ATG4A: variants seen among roughly 807,000 people sequenced by gnomAD.
The protein encoded by ATG4A is autophagy related 4A cysteine peptidase.
In ATG4A, 22 loss-of-function variants were observed where a neutral mutation model predicts 38.4. The observed-to-expected ratio is 0.57, with a 90% CI of 0.41 to 0.82. The LOEUF is 0.82. Ranked by LOEUF, ATG4A falls within the 40% of genes least tolerant of loss-of-function variation. The pLI is 0.00. For synonymous variants in ATG4A, 86 were observed against 100.7 expected (o/e 0.85, Z 0.88); for missense variants, 220 against 290.0 (o/e 0.76, Z 1.75).
chrX:108,110,323 T>C, intron 1 of ATG4A, among the ~76,000 whole-genome samples: 1 of 108,011 alleles, frequency 9.3e-6, no homozygotes, highest in South Asian at 4.2e-4. Context: ...TGAACCGAGA[T>C]TGTGCCACCG....
chrX:108,091,639 T>C (rs966183516), upstream of ATG4A: 56 of 937,381 alleles, frequency 6.0e-5, no homozygotes, highest in South Asian at 1.0e-3. Context: ...CCTCGTTCCC[T>C]TTTCTTTTCC....
intron 9 of ATG4A, among the ~76,000 whole-genome samples, chrX:108,143,096 G>A (rs2033344261): frequency 8.9e-6 from 1 of 112,259 alleles, no homozygotes; most frequent in South Asian, 3.7e-4. Flanking sequence ...ATGCTGATGT[G>A]AAGTCAATAA....
chrX:108,119,393 C>CT (rs201715742), intron 1 of ATG4A, among the ~76,000 whole-genome samples: 14 of 107,593 alleles, frequency 1.3e-4, no homozygotes, highest in East Asian at 1.1e-3. Context: ...GGCTTTCTAA[C>CT]TTTTTTTTTT....
rs180907825 is a variant in ATG4A at position 108,144,841 on chromosome X, T to C, written c.815-5311T>C. ...ATTGACTATAGTCTATGAATTAGTA[T>C]ATAATCGCACATATGGCCGTTTCTC... On this transcript the variant is annotated intron_variant, in intron 9 of 12. Coordinates refer to ENST00000372232, the MANE Select transcript of ATG4A (RefSeq NM_052936.5). 5.3e-5 allele frequency among the ~76,000 whole-genome samples: 6 copies of C among 112,311 alleles called. No homozygotes were observed. The East Asian group carries it at 1.7e-3, about 31-fold the overall frequency.
intron 1 of ATG4A, among the ~76,000 whole-genome samples, chrX:108,111,519 G>T (rs1486958754): frequency 9.0e-6 from 1 of 111,640 alleles, no homozygotes; most frequent in African/African-American, 3.3e-5. Flanking sequence ...TGAGGCCCTG[G>T]CAGTACTGCA....
At chrX:108,142,089 G>A (rs771223476) in intron 9 of ATG4A, among the ~76,000 whole-genome samples, 2 of 111,698 alleles carry the variant, frequency 1.8e-5, no homozygotes, top group Admixed American at 1.9e-4. Context: ...TCTCTTATAA[G>A]CACTCTCAGA....
At chrX:108,141,672 G>T (rs1416643741) in intron 9 of ATG4A, among the ~76,000 whole-genome samples, 1 of 111,161 alleles carries the variant, frequency 9.0e-6, no homozygotes, top group African/African-American at 3.3e-5. Flanking sequence ...CTTGCACTTG[G>T]GTATAGGTTT....
At chrX:108,112,622 C>G (rs2032392467) in intron 1 of ATG4A, among the ~76,000 whole-genome samples, 1 of 110,700 alleles carries the variant, frequency 9.0e-6, no homozygotes, top group African/African-American at 3.3e-5. Context: ...GTCTTCATCT[C>G]CTGACCTCGT....
At position 108,128,799 on chromosome X, in the gene ATG4A, C is replaced by T; in HGVS notation, c.140C>T (p.Ser47Phe). 1.7e-6 allele frequency: 2 copies of T among 1,177,222 alleles called. No individual in the cohort carries two copies. The highest frequency in any genetic ancestry group is 2.3e-6 in the Non-Finnish European group (2 of 879,305). Reference protein sequence around the residue: ...LLKTEKSKLLSDISARLWFTY... With the variant: ...LLKTEKSKLLFDISARLWFTY... ...ATTACAGAAAAATCTAAGCTGTTGTCTGATATAAGTGCTCGTCTATGGTTT... is the reference window on the plus strand; with the variant it reads ...ATTACAGAAAAATCTAAGCTGTTGTTTGATATAAGTGCTCGTCTATGGTTT... The change falls in exon 3 of 13, where the codon TCT becomes TTT. Residue 47 changes from serine to phenylalanine, a missense_variant. Transcript: ENST00000372232.
intron 3 of ATG4A, 55 bp downstream of exon 3, chrX:108,128,907 G>A: frequency 3.6e-6 from 3 of 835,079 alleles, no homozygotes; most frequent in Non-Finnish European, 5.0e-6. Context: ...GCTTGCCTGA[G>A]GTTATCAGTG....
chrX:108,138,225 G>A lies in ATG4A; in HGVS notation c.814+34G>A, dbSNP rs749860623. 4.3e-6 allele frequency: 5 copies of A among 1,156,806 alleles called. No individual in the cohort carries two copies. In the African/African-American group the frequency reaches 8.9e-5, roughly 21 times the overall value. On this transcript the variant is annotated intron_variant, in intron 9 of 12. Transcript: ENST00000372232. ...GGAGGAATCACAAGTAAGTCATCGT[G>A]GGCTAGGGGAGGGCGTGGGGACAAG...
chrX:108,130,464 C>T (rs7879704), intron 3 of ATG4A, among the ~76,000 whole-genome samples: 45,141 of 111,165 alleles, frequency 0.41, 6,972 homozygotes, highest in Non-Finnish European at 0.47. Flanking sequence ...TGTCTTATTT[C>T]GTTTATTAAC....
At chrX:108,149,363 C>G (rs937120423) in intron 9 of ATG4A, among the ~76,000 whole-genome samples, 1 of 112,759 alleles carries the variant, frequency 8.9e-6, no homozygotes, top group African/African-American at 3.2e-5. Context: ...GGACTGTCAG[C>G]CCTTTGAATA....
At chrX:108,106,303 C>T (rs909433091) in intron 1 of ATG4A, among the ~76,000 whole-genome samples, 1 of 111,193 alleles carries the variant, frequency 9.0e-6, no homozygotes, top group African/African-American at 3.3e-5. Flanking sequence ...CTATAGAAAC[C>T]TTACTTCCCT....
chrX:108,094,922 A>G (rs1405037902), intron 1 of ATG4A, among the ~76,000 whole-genome samples: 1 of 112,491 alleles, frequency 8.9e-6, no homozygotes, highest in Admixed American at 9.4e-5. Flanking sequence ...GCAAATTCTT[A>G]TGGAAATAGA....
intron 9 of ATG4A, among the ~76,000 whole-genome samples, chrX:108,144,757 A>G (rs909618401): frequency 1.8e-5 from 2 of 112,426 alleles, no homozygotes; most frequent in East Asian, 2.8e-4. Context: ...CTCTTCCCCA[A>G]ATTTGGCACC....
chrX:108,103,104 A>G (rs772502079), intron 1 of ATG4A, among the ~76,000 whole-genome samples: 3 of 110,328 alleles, frequency 2.7e-5, no homozygotes, highest in Non-Finnish European at 3.8e-5. Flanking sequence ...TTCTGTTCCT[A>G]TGTTAGTTAG....
intron 9 of ATG4A, among the ~76,000 whole-genome samples, chrX:108,146,815 A>T (rs2033434682): frequency 9.0e-6 from 1 of 111,284 alleles, no homozygotes; most frequent in Non-Finnish European, 1.9e-5. Flanking sequence ...GCCATCTTTT[A>T]ATCCATATTT....
rs760577915 is a variant in ATG4A at position 108,095,097 on chromosome X, G to A, written c.10+3261G>A. ...AGCCTCCTGAGGCGCATGCCACCAC[G>A]CCTGGCTAAGTTTTGTATTTTTAGT... On this transcript the variant is annotated intron_variant, in intron 1 of 12. Transcript: ENST00000372232. Among the ~76,000 whole-genome samples, 25 of 111,894 alleles carry A rather than the reference G, an allele frequency of 2.2e-4. 1 individual carries two copies. The highest frequency in any genetic ancestry group is 1.3e-3 in the Admixed American group (14 of 10,688).
Sources: gnomAD v4.1 joint callset for allele counts (sites outside exome capture counted in the v4.1 genomes callset) on GRCh38, gnomAD v4.1.1 for gene constraint, MANE v1.5 for transcripts, NCBI Gene and HGNC (gene_info 2026-07-23, HGNC 2026-07-21) for gene names.